Variants in C8orf90 observed in about 807,000 individuals in gnomAD.
C8orf90 encodes uncharacterized protein C8orf90.
chr8:141,514,686 G>A, the C8orf90 span: 10 of 700,574 alleles, frequency 1.4e-5, no homozygotes, highest in East Asian at 2.7e-5. Flanking sequence ...CCTGTCTCCC[G>A]GGCTGCTGGC....
At chr8:141,515,480 C>G in the C8orf90 span, among the ~76,000 whole-genome samples, 1 of 151,084 alleles carries the variant, frequency 6.6e-6, no homozygotes, top group Non-Finnish European at 1.5e-5. Context: ...GGTGATTTCT[C>G]TCAGCCCCTC....
chr8:141,518,134 C>T, the C8orf90 span: 2 of 525,252 alleles, frequency 3.8e-6, no homozygotes, highest in East Asian at 7.0e-5. Context: ...TCTTCGCGCC[C>T]GGCCTCCTGG....
At chr8:141,516,673 A>C in the C8orf90 span, among the ~76,000 whole-genome samples, 1 of 152,072 alleles carries the variant, frequency 6.6e-6, no homozygotes, top group African/African-American at 2.4e-5. Context: ...TGTGGCTTAA[A>C]CATCATCTCC....
chr8:141,516,110 T>C, the C8orf90 span, among the ~76,000 whole-genome samples: 1 of 152,128 alleles, frequency 6.6e-6, no homozygotes, highest in African/African-American at 2.4e-5. Context: ...AAGGCAGCAT[T>C]CAGCTTCTCC....
At chr8:141,516,000 T>G in the C8orf90 span, among the ~76,000 whole-genome samples, 1 of 152,168 alleles carries the variant, frequency 6.6e-6, no homozygotes, top group East Asian at 1.9e-4. Flanking sequence ...CTGAAGGCAT[T>G]GGAAGAGGAC....
the C8orf90 span, among the ~76,000 whole-genome samples, chr8:141,516,174 C>T: frequency 2.0e-4 from 31 of 152,232 alleles, no homozygotes; most frequent in African/African-American, 7.5e-4. Flanking sequence ...CCCTCTTTCT[C>T]CTGCATCATG....
the C8orf90 span, chr8:141,518,232 G>A: frequency 1.1e-5 from 7 of 609,534 alleles, 2 homozygotes; most frequent in South Asian, 3.5e-5. Context: ...CGGCGCCCCC[G>A]GAGCCCGCCT....
the C8orf90 span, among the ~76,000 whole-genome samples, chr8:141,515,599 C>G: frequency 3.1e-4 from 47 of 152,144 alleles, no homozygotes; most frequent in South Asian, 3.1e-3. Flanking sequence ...TGCCCCAGCT[C>G]CTGCCCTCGA....
the C8orf90 span, among the ~76,000 whole-genome samples, chr8:141,515,584 A>G: frequency 6.6e-6 from 1 of 151,500 alleles, no homozygotes; most frequent in Non-Finnish European, 1.5e-5. Flanking sequence ...CACTCTGGGG[A>G]TTCTTGCCCC....
the C8orf90 span, chr8:141,518,273 T>A: frequency 1.5e-6 from 1 of 653,180 alleles, no homozygotes; most frequent in East Asian, 3.2e-5. Context: ...GACGCGCAGC[T>A]CTGGGAGGCG....
the C8orf90 span, chr8:141,518,133 C>G: frequency 1.9e-6 from 1 of 525,366 alleles, no homozygotes; most frequent in Middle Eastern, 4.9e-4. Flanking sequence ...CTCTTCGCGC[C>G]CGGCCTCCTG....
At chr8:141,515,574 C>A in the C8orf90 span, among the ~76,000 whole-genome samples, 416 of 152,082 alleles carry the variant, frequency 2.7e-3, 2 homozygotes, top group Non-Finnish European at 5.0e-3. Flanking sequence ...GTCCCCACCG[C>A]ACTCTGGGGA....
At chr8:141,514,956 G>A in the C8orf90 span, among the ~76,000 whole-genome samples, 1 of 152,010 alleles carries the variant, frequency 6.6e-6, no homozygotes, top group Non-Finnish European at 1.5e-5. Context: ...TCCCTGTAAA[G>A]GTCCTTCTCC....
chr8:141,515,119 T>C, the C8orf90 span, among the ~76,000 whole-genome samples: 2 of 141,402 alleles, frequency 1.4e-5, no homozygotes, highest in Non-Finnish European at 3.1e-5. Flanking sequence ...CCTTGCCTCT[T>C]CTAAAACTCA....
the C8orf90 span, among the ~76,000 whole-genome samples, chr8:141,516,778 T>C: frequency 3.9e-4 from 60 of 152,262 alleles, no homozygotes; most frequent in African/African-American, 1.3e-3. Flanking sequence ...TCCACTCTTA[T>C]CCCCAGCATG....
chr8:141,518,268 G>T, the C8orf90 span: 3 of 634,072 alleles, frequency 4.7e-6, no homozygotes, highest in Non-Finnish European at 8.5e-6. Flanking sequence ...GCGGGGACGC[G>T]CAGCTCTGGG....
the C8orf90 span, among the ~76,000 whole-genome samples, chr8:141,517,874 G>A: frequency 1.3e-5 from 2 of 152,150 alleles, no homozygotes; most frequent in Non-Finnish European, 2.9e-5. Context: ...AACATCCTAA[G>A]CTCGCTCAGT....
chr8:141,518,410 T>G, the C8orf90 span: 1 of 672,524 alleles, frequency 1.5e-6, no homozygotes, highest in Non-Finnish European at 2.7e-6. Context: ...CGACCCCGCC[T>G]GCGGGCCGCT....
the C8orf90 span, among the ~76,000 whole-genome samples, chr8:141,515,909 C>T: frequency 8.9e-4 from 135 of 152,316 alleles, no homozygotes; most frequent in Non-Finnish European, 5.1e-4. Flanking sequence ...GCAACCACCT[C>T]GCACCTTCTC....
Sources: gnomAD v4.1 joint callset for allele counts (sites outside exome capture counted in the v4.1 genomes callset) on GRCh38, gnomAD v4.1.1 for gene constraint, MANE v1.5 for transcripts, NCBI Gene and HGNC (gene_info 2026-07-23, HGNC 2026-07-21) for gene names.